Variants in CACNA1D observed in about 807,000 individuals in gnomAD.
The protein encoded by CACNA1D is voltage-dependent L-type calcium channel subunit alpha-1D.
Under a neutral mutation model 257.1 loss-of-function variants are expected in CACNA1D, and 55 were observed. That is an observed-to-expected ratio of 0.21 (90% confidence interval 0.17 to 0.27). CACNA1D has a LOEUF of 0.27. CACNA1D is among the 10% of genes least tolerant of loss of function. The probability of loss-of-function intolerance (pLI) is 1.00; values close to 1 mark genes in which losing one functional copy is unlikely to be tolerated. For missense variants in CACNA1D, 1,876 were observed against 2,784.0 expected (o/e 0.67, Z 7.34); for synonymous variants, 980 against 1,014.9 (o/e 0.97, Z 0.65).
chr3:53,614,980 TAGA>T (rs1349791988), intron 3 of CACNA1D, among the ~76,000 whole-genome samples: 1 of 152,220 alleles, frequency 6.6e-6, no homozygotes, highest in Admixed American at 6.5e-5. Flanking sequence ...ACAACTTGTG[TAGA>T]AGATCAAAAT....
intron 21 of CACNA1D, among the ~76,000 whole-genome samples, chr3:53,742,717 C>T (rs917178252): frequency 1.3e-5 from 2 of 152,222 alleles, no homozygotes; most frequent in Non-Finnish European, 2.9e-5. Flanking sequence ...TGTGGAGCCT[C>T]TCTTAGACAG....
chr3:53,703,051 G>A (rs2094643591), intron 9 of CACNA1D, among the ~76,000 whole-genome samples: 1 of 152,236 alleles, frequency 6.6e-6, no homozygotes, highest in Admixed American at 6.5e-5. Context: ...AGCCAAGGAA[G>A]GTCAAACGGA....
chr3:53,806,002 C>G (rs1158937260), intron 45 of CACNA1D, among the ~76,000 whole-genome samples: 4 of 142,586 alleles, frequency 2.8e-5, no homozygotes, highest in East Asian at 2.2e-4. Context: ...CCTCCCTCAT[C>G]TTCCCTCCTC....
In CACNA1D at chr3:53,680,398, C is replaced by T. The variant is rs76110862; in HGVS notation, c.1220+7272C>T. 4.2e-3 allele frequency among the ~76,000 whole-genome samples: 632 copies of T among 152,068 alleles called. 24 individuals carry two copies. The East Asian group carries it at 0.084, about 20-fold the overall frequency. ...AAGACCTCTGAGGACCCAGGAGGCA[C>T]CTCTGGCCACATGTGCCCTCCTGGA... On this transcript the variant is annotated intron_variant, in intron 8 of 47. Transcript: ENST00000350061.
chr3:53,616,456 T>A (rs3774475), intron 3 of CACNA1D, among the ~76,000 whole-genome samples: 68,167 of 152,016 alleles, frequency 0.45, 15,563 homozygotes, highest in African/African-American at 0.55. Flanking sequence ...TCACAGAGGC[T>A]CACACGCACA....
chr3:53,667,624 A>G (rs2094280302), intron 7 of CACNA1D, among the ~76,000 whole-genome samples: 1 of 152,362 alleles, frequency 6.6e-6, no homozygotes, highest in South Asian at 2.1e-4. Flanking sequence ...TATAATGGTT[A>G]TAAATAGGTT....
intron 3 of CACNA1D, among the ~76,000 whole-genome samples, chr3:53,592,663 G>A (rs1470397111): frequency 6.6e-6 from 1 of 151,750 alleles, no homozygotes; most frequent in Non-Finnish European, 1.5e-5. Context: ...GTCGTGGTTG[G>A]ACTGTGTTCT....
chr3:53,787,773 G>A (rs922012456), intron 40 of CACNA1D, among the ~76,000 whole-genome samples: 16 of 152,150 alleles, frequency 1.1e-4, no homozygotes, highest in Non-Finnish European at 2.2e-4. Context: ...TGTGAGTGCC[G>A]TGGATGAAGG....
chr3:53,567,157 A>G (rs540583533), intron 3 of CACNA1D, among the ~76,000 whole-genome samples: 267 of 152,308 alleles, frequency 1.8e-3, no homozygotes, highest in African/African-American at 6.2e-3. Flanking sequence ...TCTCCCGTGG[A>G]TGCATAGCAT....
At chr3:53,786,750 C>T in intron 39 of CACNA1D, 72 bp from the exon 40 acceptor site, 1 of 1,370,302 alleles carries the variant, frequency 7.3e-7, no homozygotes, top group East Asian at 2.5e-5. Context: ...CCTGCCCCAG[C>T]CAGAAGCAAG....
chr3:53,776,136 C>T, intron 35 of CACNA1D, 91 bp downstream of exon 35: 1 of 1,196,304 alleles, frequency 8.4e-7, no homozygotes, highest in Non-Finnish European at 1.2e-6. Context: ...GTCCCATCGC[C>T]TGAGGACAAT....
rs556203168 is a variant in CACNA1D at position 53,728,059 on chromosome 3, C to T, written c.2221+1060C>T. ...CTCCCACCCAGAGAAGGTTCTTCTACCTCTGAGCTCCCCCTCAGATTTTAT... is the reference window on the plus strand; with the variant it reads ...CTCCCACCCAGAGAAGGTTCTTCTATCTCTGAGCTCCCCCTCAGATTTTAT... On this transcript the variant is annotated intron_variant, in intron 15 of 47. Coordinates refer to ENST00000350061, the MANE Select transcript of CACNA1D (RefSeq NM_001128840.3). Among the ~76,000 whole-genome samples the T allele has an allele frequency of 4.0e-4, 61 of 152,176 alleles. 1 individual carries two copies. The highest frequency in any genetic ancestry group is 1.2e-3 in the South Asian group (6 of 4,832).
chr3:53,583,309 G>T (rs1354925886), intron 3 of CACNA1D, among the ~76,000 whole-genome samples: 3 of 151,900 alleles, frequency 2.0e-5, no homozygotes, highest in Non-Finnish European at 4.4e-5. Context: ...CCGTCTTCCT[G>T]CCTGGTCCCT....
chr3:53,676,970 A>G (rs1471918011), intron 8 of CACNA1D, among the ~76,000 whole-genome samples: 3 of 152,260 alleles, frequency 2.0e-5, no homozygotes, highest in Non-Finnish European at 4.4e-5. Context: ...ATATGCTCCC[A>G]TTATGACCAG....
chr3:53,600,236 C>T (rs184043204), intron 3 of CACNA1D, among the ~76,000 whole-genome samples: 41 of 152,366 alleles, frequency 2.7e-4, no homozygotes, highest in Non-Finnish European at 4.7e-4. Flanking sequence ...GGACTCTCAG[C>T]TGCTCAGAGC....
intron 3 of CACNA1D, among the ~76,000 whole-genome samples, chr3:53,535,869 T>G (rs898047651): frequency 2.6e-5 from 4 of 152,196 alleles, no homozygotes; most frequent in Admixed American, 6.5e-5. Context: ...GAGTCTTGAA[T>G]TTTAGCACAG....
rs370499296 is a variant in CACNA1D, at chr3:53,811,541, T to A, written c.*135T>A. ...ATTAATTAGACTTTTGTATAAGAGA[T>A]GTCATGCCTCAAGAAAGCCATAAAC... On this transcript the variant is annotated 3_prime_UTR_variant, in exon 48 of 48. Transcript: ENST00000350061. The surrounding 1 kb of genome is among the most constrained non-coding windows in gnomAD (Gnocchi z 4.2). The A allele has an allele frequency of 8.0e-5, 58 of 724,940 alleles. No homozygotes were observed. The East Asian group carries it at 1.5e-3, about 19-fold the overall frequency. 44.9% of individuals were successfully genotyped at this position (724,940 alleles called of 1,614,324 possible).
At chr3:53,733,930 T>TTG (rs397961374) in intron 19 of CACNA1D, among the ~76,000 whole-genome samples, 40,848 of 133,786 alleles carry the variant, frequency 0.31, 6,495 homozygotes, top group Non-Finnish European at 0.37. Context: ...GTGTGTGTGT[T>TTG]TGTGTGTGTG....
At chr3:53,578,255 A>T (rs575957891) in intron 3 of CACNA1D, among the ~76,000 whole-genome samples, 7 of 152,068 alleles carry the variant, frequency 4.6e-5, no homozygotes, top group African/African-American at 1.7e-4. Flanking sequence ...ACAATACAGG[A>T]GGACTAGATG....
Sources: allele counts gnomAD v4.1 joint callset (sites outside exome capture counted in the v4.1 genomes callset), GRCh38; gene constraint gnomAD v4.1.1; non-coding constraint Gnocchi (gnomAD v3.1); transcripts MANE v1.5; gene names NCBI Gene and HGNC (gene_info 2026-07-23, HGNC 2026-07-21).